The following FER variants were observed in gnomAD, a reference collection of about 807,000 sequenced individuals.
The protein encoded by FER is tyrosine-protein kinase Fer.
FER carries 63 observed loss-of-function variants against 111.0 expected under a neutral mutation model. The observed-to-expected ratio is 0.57, with a 90% CI of 0.46 to 0.70. The LOEUF (loss-of-function observed/expected upper bound fraction) is 0.70, where lower values mean the gene tolerates loss of function less well. Among genes scored for constraint, FER ranks in the 30% least tolerant of loss-of-function variants. The pLI is 0.00. For missense variants in FER, 914 were observed against 954.0 expected (o/e 0.96, Z 0.55); for synonymous variants, 327 against 313.9 (o/e 1.04, Z -0.44).
At chr5:108,858,343 A>C (rs1331997501) in intron 5 of FER, among the ~76,000 whole-genome samples, 1 of 152,250 alleles carries the variant, frequency 6.6e-6, no homozygotes, top group Non-Finnish European at 1.5e-5. Flanking sequence ...TGCCTCTGAA[A>C]AATGAAACTT....
At chr5:109,086,182 T>G (rs920398001) in intron 16 of FER, among the ~76,000 whole-genome samples, 23 of 151,824 alleles carry the variant, frequency 1.5e-4, no homozygotes, top group African/African-American at 5.6e-4. Flanking sequence ...TTATAGGAAG[T>G]GTTTTAGCTA....
intron 2 of FER, chr5:108,785,638 G>A (rs1480266281): frequency 8.3e-6 from 3 of 360,886 alleles, no homozygotes. Context: ...TGGTGAAGGA[G>A]AGTGTTTCCC....
At chr5:108,968,833 C>G (rs1760245749) in intron 13 of FER, among the ~76,000 whole-genome samples, 1 of 151,904 alleles carries the variant, frequency 6.6e-6, no homozygotes, top group Admixed American at 6.6e-5. Context: ...ATACAGTGTG[C>G]TACTAGAAAT....
chr5:108,815,192 G>A lies in FER; in HGVS notation c.207+16803G>A, dbSNP rs146416350. ...TGCTGCAATGGATAACTTTGAATAG[G>A]TGTATTTTTGTAACATGGGTGTCTT... On this transcript the variant is annotated intron_variant, in intron 3 of 19. Transcript: ENST00000281092. 2.4e-4 allele frequency among the ~76,000 whole-genome samples: 37 copies of A among 152,204 alleles called. No individual in the cohort carries two copies. The East Asian group carries it at 7.1e-3, about 29-fold the overall frequency.
chr5:109,001,805 T>C (rs1764812739), intron 13 of FER, among the ~76,000 whole-genome samples: 2 of 152,038 alleles, frequency 1.3e-5, no homozygotes, highest in South Asian at 4.1e-4. Flanking sequence ...AGAATATCAA[T>C]GTGCAAAAAT....
At chr5:108,796,551 C>T (rs767325671) in intron 2 of FER, among the ~76,000 whole-genome samples, 2 of 152,122 alleles carry the variant, frequency 1.3e-5, no homozygotes, top group Non-Finnish European at 2.9e-5. Context: ...TACCTGATGC[C>T]CTATTCTACA....
At chr5:108,847,866 T>C (rs1762169912) in intron 5 of FER, among the ~76,000 whole-genome samples, 1 of 152,090 alleles carries the variant, frequency 6.6e-6, no homozygotes, top group Admixed American at 6.6e-5. Flanking sequence ...AGTATATTTT[T>C]TCTTTTTCCT....
At chr5:109,005,688 C>T (rs1765405747) in intron 13 of FER, among the ~76,000 whole-genome samples, 1 of 152,192 alleles carries the variant, frequency 6.6e-6, no homozygotes, top group South Asian at 2.1e-4. Context: ...GTTTTAGATA[C>T]ACATGCTCTT....
chr5:108,879,855 G>A (rs1481447563), intron 8 of FER, among the ~76,000 whole-genome samples: 1 of 150,952 alleles, frequency 6.6e-6, no homozygotes, highest in East Asian at 1.9e-4. Context: ...GATTACAGGT[G>A]CCTGCCACCA....
chr5:108,833,689 AG>A lies in FER; in HGVS notation c.381+749del, dbSNP rs548897140. Among the ~76,000 whole-genome samples the A allele has an allele frequency of 2.4e-3, 316 of 131,996 alleles. 3 individuals carry two copies. Among genetic ancestry groups the A allele is most frequent in the African/African-American group, 8.0e-3 (292 of 36,558 alleles). The allele number at this position is 131,996 out of a possible 152,430, so 86.6% of individuals were successfully genotyped here. A position where few individuals can be genotyped will look rare whatever the true frequency, so the allele number is the denominator to read the frequency against. On this transcript the variant is annotated intron_variant, in intron 4 of 19. Coordinates refer to ENST00000281092, the MANE Select transcript of FER (RefSeq NM_005246.4). ...GGAGATCAAGACCATCCTGGCTAAC[AG>A]GGTGAAACCCCGTCTCTACTAAAAA...
intron 16 of FER, among the ~76,000 whole-genome samples, chr5:109,075,431 T>G (rs1299141536): frequency 1.7e-5 from 2 of 120,552 alleles, no homozygotes; most frequent in Non-Finnish European, 3.9e-5. Flanking sequence ...GCTTAGCATT[T>G]TTTTTTTTTT....
At chr5:109,061,357 A>T (rs1561844051) in intron 16 of FER, among the ~76,000 whole-genome samples, 1 of 152,132 alleles carries the variant, frequency 6.6e-6, no homozygotes, top group South Asian at 2.1e-4. Context: ...AGTATCTTAC[A>T]TTTACATAAT....
chr5:108,986,525 C>G (rs1762595155), intron 13 of FER, among the ~76,000 whole-genome samples: 1 of 151,982 alleles, frequency 6.6e-6, no homozygotes. Flanking sequence ...TTGCCTAATC[C>G]AGTGTCTAGA....
chr5:108,873,975 G>A (rs535676076), intron 8 of FER, among the ~76,000 whole-genome samples: 1 of 152,190 alleles, frequency 6.6e-6, no homozygotes, highest in Non-Finnish European at 1.5e-5. Context: ...CTCAATTCAC[G>A]TGCTGCTGGT....
intron 11 of FER, among the ~76,000 whole-genome samples, chr5:108,953,685 A>G (rs1331596099): frequency 6.6e-6 from 1 of 152,052 alleles, no homozygotes; most frequent in African/African-American, 2.4e-5. Context: ...CCTACCTAGA[A>G]TTTATATCAG....
At chr5:108,950,000 G>A (rs1757506955) in intron 11 of FER, among the ~76,000 whole-genome samples, 1 of 151,836 alleles carries the variant, frequency 6.6e-6, no homozygotes, top group South Asian at 2.1e-4. Flanking sequence ...ATGAGTAAGG[G>A]AACAAAAGAA....
intron 16 of FER, among the ~76,000 whole-genome samples, chr5:109,077,445 T>C (rs897969690): frequency 6.6e-6 from 1 of 152,178 alleles, no homozygotes; most frequent in Non-Finnish European, 1.5e-5. Flanking sequence ...TTCAGAATCA[T>C]CTTTTAAAAT....
At chr5:109,175,271 C>A (rs1373692187) in intron 17 of FER, among the ~76,000 whole-genome samples, 1 of 152,198 alleles carries the variant, frequency 6.6e-6, no homozygotes, top group Non-Finnish European at 1.5e-5. Context: ...ACACTGACTA[C>A]TTTCTGTTTA....
At chr5:109,080,064 A>G (rs1776814721) in intron 16 of FER, among the ~76,000 whole-genome samples, 2 of 151,364 alleles carry the variant, frequency 1.3e-5, no homozygotes, top group Non-Finnish European at 3.0e-5. Flanking sequence ...TGGTTAAATG[A>G]ATAAAGTGTA....
Sources: allele counts gnomAD v4.1 joint callset (sites outside exome capture counted in the v4.1 genomes callset), GRCh38; gene constraint gnomAD v4.1.1; transcripts MANE v1.5; gene names NCBI Gene and HGNC (gene_info 2026-07-23, HGNC 2026-07-21).